Variants in MAP4K4 observed in about 807,000 individuals in gnomAD.
MAP4K4 encodes HPK/GCK-like kinase HGK.
MAP4K4 carries 38 observed loss-of-function variants against 189.6 expected under a neutral mutation model. The observed-to-expected ratio is 0.20, with a 90% CI of 0.15 to 0.26. The LOEUF (loss-of-function observed/expected upper bound fraction) is 0.26, where lower values mean the gene tolerates loss of function less well. Among genes scored for constraint, MAP4K4 ranks in the 10% least tolerant of loss-of-function variants. The pLI is 1.00. For synonymous variants in MAP4K4, 610 were observed against 624.3 expected (o/e 0.98, Z 0.34); for missense variants, 1,054 against 1,726.9 (o/e 0.61, Z 6.91).
chr2:101,769,397 A>C (rs1009365113), intron 2 of MAP4K4, among the ~76,000 whole-genome samples: 2 of 152,192 alleles, frequency 1.3e-5, no homozygotes, highest in Admixed American at 1.3e-4. Context: ...GGAAGTGGTC[A>C]TAACAGATAG....
chr2:101,842,474 A>G (rs2096951332), intron 10 of MAP4K4, 135 bp from the exon 11 acceptor site: 3 of 586,504 alleles, frequency 5.1e-6, no homozygotes, highest in East Asian at 5.9e-5. Flanking sequence ...CTCCTCCCCA[A>G]ATCCTCTATA....
intron 2 of MAP4K4, among the ~76,000 whole-genome samples, chr2:101,776,572 A>ACC (rs571647833): frequency 2.5e-4 from 6 of 23,906 alleles, no homozygotes; most frequent in South Asian, 1.9e-3. Flanking sequence ...ATGCACCCCC[A>ACC]CCCCCCCACC....
chr2:101,748,965 C>T (rs1458012960), intron 2 of MAP4K4, among the ~76,000 whole-genome samples: 3 of 139,730 alleles, frequency 2.1e-5, no homozygotes, highest in South Asian at 2.5e-4. Context: ...ATGTGAAGGA[C>T]CTCTTCAAGG....
At chr2:101,730,373 GC>G (rs1392006524) in intron 2 of MAP4K4, among the ~76,000 whole-genome samples, 2 of 152,152 alleles carry the variant, frequency 1.3e-5, no homozygotes, top group Admixed American at 6.5e-5. Flanking sequence ...CTTCTGTCTT[GC>G]CCCGCTCTCC....
exon 24 of MAP4K4, chr2:101,871,680 A>G (rs1324584744): frequency 6.5e-7 from 1 of 1,536,346 alleles, no homozygotes; most frequent in Admixed American, 2.0e-5. Context: ...GCTCACTGCT[A>G]ATGAGGTATG....
chr2:101,781,103 C>T (rs1260845156), intron 2 of MAP4K4, among the ~76,000 whole-genome samples: 1 of 152,168 alleles, frequency 6.6e-6, no homozygotes, highest in Non-Finnish European at 1.5e-5. Flanking sequence ...GAAGACTTGC[C>T]AGTGCCCTTT....
At chr2:101,720,267 A>G (rs2051041644) in intron 2 of MAP4K4, among the ~76,000 whole-genome samples, 1 of 148,886 alleles carries the variant, frequency 6.7e-6, no homozygotes, top group South Asian at 2.2e-4. Context: ...TCCACCTCCC[A>G]GGTTCAAGCC....
intron 2 of MAP4K4, among the ~76,000 whole-genome samples, chr2:101,707,568 A>G (rs1167894371): frequency 6.6e-6 from 1 of 151,922 alleles, no homozygotes; most frequent in Admixed American, 6.6e-5. Context: ...GCTGCAGTAC[A>G]GTGGTGTGAT....
intron 2 of MAP4K4, among the ~76,000 whole-genome samples, chr2:101,784,732 T>C (rs983496354): frequency 6.6e-6 from 1 of 152,164 alleles, no homozygotes; most frequent in African/African-American, 2.4e-5. Context: ...TGTATTGCCA[T>C]GTTTGATTAT....
In MAP4K4 at chr2:101,873,820, GCT is replaced by G. The variant is rs2098122169; in HGVS notation, c.3070+59_3070+60del. ...ACAAATGGGACTTTATCTTTGAGTTGCTCTTTTGGGTGGCTTAGGTGTAGCTG... is the reference window on the plus strand; with the variant it reads ...ACAAATGGGACTTTATCTTTGAGTTGCTTTTGGGTGGCTTAGGTGTAGCTG... On this transcript the variant is annotated intron_variant, in intron 25 of 32. Transcript: ENST00000324219. The G allele has an allele frequency of 3.1e-6, 4 of 1,288,222 alleles. No individual in the cohort carries two copies. The South Asian group carries it at 5.1e-5, about 16-fold the overall frequency. The allele number at this position is 1,288,222 out of a possible 1,614,324, so 79.8% of individuals were successfully genotyped here. A position where few individuals can be genotyped will look rare whatever the true frequency, so the allele number is the denominator to read the frequency against.
In MAP4K4 at chr2:101,869,807, C is replaced by T. The variant is rs780832440; in HGVS notation, c.2639+10C>T. On this transcript the variant is annotated intron_variant, in intron 22 of 32. Transcript: ENST00000324219. ...AGGACACCAGAGCAGCGTCAGTCCCCGGTCTCTTTTAGAGCGGATGAGAGT... is the reference window on the plus strand; with the variant it reads ...AGGACACCAGAGCAGCGTCAGTCCCTGGTCTCTTTTAGAGCGGATGAGAGT... 60 of 1,535,574 alleles carry T rather than the reference C, an allele frequency of 3.9e-5. No homozygotes were observed. Among genetic ancestry groups the T allele is most frequent in the Middle Eastern group, 2.0e-4 (1 of 4,938 alleles).
intron 2 of MAP4K4, among the ~76,000 whole-genome samples, chr2:101,702,316 C>T (rs1183342021): frequency 6.6e-6 from 1 of 152,038 alleles, no homozygotes; most frequent in African/African-American, 2.4e-5. Flanking sequence ...TTGTAAATCC[C>T]AGCACTTTGA....
chr2:101,892,989 C>T (rs2098591737), exon 33 of MAP4K4: 1 of 456,350 alleles, frequency 2.2e-6, no homozygotes, highest in Middle Eastern at 3.3e-4. Context: ...GTTTTTTAGG[C>T]TTGATCTTTT....
At chr2:101,762,336 C>G (rs1325996734) in intron 2 of MAP4K4, among the ~76,000 whole-genome samples, 1 of 152,198 alleles carries the variant, frequency 6.6e-6, no homozygotes, top group Non-Finnish European at 1.5e-5. Flanking sequence ...GGTGACAAAT[C>G]CATGCCTGGC....
intron 2 of MAP4K4, among the ~76,000 whole-genome samples, chr2:101,787,405 T>G (rs1256771732): frequency 6.6e-6 from 1 of 152,208 alleles, no homozygotes; most frequent in Non-Finnish European, 1.5e-5. Context: ...TACGTGCATT[T>G]TCATTTTCTC....
intron 2 of MAP4K4, among the ~76,000 whole-genome samples, chr2:101,765,754 GATATTCATTAT>G (rs1232658855): frequency 2.0e-5 from 3 of 152,164 alleles, no homozygotes; most frequent in African/African-American, 7.2e-5. Flanking sequence ...TAAGTAATCA[GATATTCATTAT>G]ATTTGGGAAC....
intron 2 of MAP4K4, among the ~76,000 whole-genome samples, chr2:101,719,881 GGGC>G (rs2050705570): frequency 6.6e-6 from 1 of 151,834 alleles, no homozygotes; most frequent in African/African-American, 2.4e-5. Context: ...GCGTGGTGGC[GGGC>G]GCCTGTAGTC....
intron 2 of MAP4K4, among the ~76,000 whole-genome samples, chr2:101,737,742 A>G (rs2061039512): frequency 6.6e-6 from 1 of 151,864 alleles, no homozygotes; most frequent in African/African-American, 2.4e-5. Context: ...AAGTTTGAAA[A>G]GGAAAAAAAC....
At chr2:101,756,702 G>A (rs1039985015) in intron 2 of MAP4K4, among the ~76,000 whole-genome samples, 1 of 150,988 alleles carries the variant, frequency 6.6e-6, no homozygotes, top group African/African-American at 2.4e-5. Flanking sequence ...CTGCAGGCGC[G>A]CATCACCATG....
Sources: allele counts gnomAD v4.1 joint callset (sites outside exome capture counted in the v4.1 genomes callset), GRCh38; gene constraint gnomAD v4.1.1; transcripts MANE v1.5; gene names NCBI Gene and HGNC (gene_info 2026-07-23, HGNC 2026-07-21).